The following PTPRR variants were observed in gnomAD, a reference collection of about 807,000 sequenced individuals.
PTPRR encodes receptor-type tyrosine-protein phosphatase R.
A neutral mutation model predicts 77.2 loss-of-function variants in PTPRR; 38 were observed. The ratio of observed to expected loss-of-function variants is 0.49; its 90% confidence interval spans 0.38 to 0.65. The LOEUF (loss-of-function observed/expected upper bound fraction) is 0.65. PTPRR is among the 30% of genes least tolerant of loss of function. The probability of loss-of-function intolerance (pLI) is 0.00; values close to 1 mark genes in which losing one functional copy is unlikely to be tolerated. For missense variants in PTPRR, 744 were observed against 799.2 expected, an observed-to-expected ratio of 0.93 and a Z score of 0.83; for synonymous variants, 299 against 283.1, an observed-to-expected ratio of 1.06 and a Z score of -0.57.
At chr12:70,808,654 A>T (rs1210336870) in intron 2 of PTPRR, among the ~76,000 whole-genome samples, 1 of 152,178 alleles carries the variant, frequency 6.6e-6, no homozygotes, top group African/African-American at 2.4e-5. Flanking sequence ...AAAGCAATAA[A>T]GGTCCTCTAT....
At chr12:70,853,811 G>C (rs1565719005) in intron 2 of PTPRR, among the ~76,000 whole-genome samples, 1 of 152,170 alleles carries the variant, frequency 6.6e-6, no homozygotes, top group South Asian at 2.1e-4. Flanking sequence ...GGTCACATAT[G>C]TTTGTGAAAA....
chr12:70,874,443 C>A (rs1893014930), intron 2 of PTPRR, among the ~76,000 whole-genome samples: 1 of 152,014 alleles, frequency 6.6e-6, no homozygotes, highest in Non-Finnish European at 1.5e-5. Flanking sequence ...ACAGAAAGGG[C>A]AAGTTATTTT....
chr12:70,898,925 T>C (rs1409682659), intron 1 of PTPRR, among the ~76,000 whole-genome samples: 1 of 151,286 alleles, frequency 6.6e-6, no homozygotes, highest in African/African-American at 2.4e-5. Context: ...AGTGTAAAAA[T>C]GTATAAAAAG....
intron 2 of PTPRR, among the ~76,000 whole-genome samples, chr12:70,824,116 C>T (rs137905679): frequency 9.9e-4 from 151 of 152,282 alleles, no homozygotes; most frequent in African/African-American, 3.2e-3. Context: ...ATTGGGAAAC[C>T]GCCCCAGGTT....
chr12:70,845,400 T>C (rs552334454), intron 2 of PTPRR, among the ~76,000 whole-genome samples: 1 of 152,178 alleles, frequency 6.6e-6, no homozygotes, highest in Non-Finnish European at 1.5e-5. Context: ...CCTTAATGTA[T>C]GTACATGATC....
intron 6 of PTPRR, among the ~76,000 whole-genome samples, chr12:70,723,325 G>A (rs1383662734): frequency 6.6e-6 from 1 of 151,786 alleles, no homozygotes; most frequent in Admixed American, 6.6e-5. Context: ...AGTTCCAAGA[G>A]AACTTTTTGA....
intron 4 of PTPRR, among the ~76,000 whole-genome samples, chr12:70,755,364 A>C (rs17120985): frequency 0.023 from 3,463 of 152,242 alleles, 109 homozygotes; most frequent in South Asian, 0.063. Flanking sequence ...CTGAACTTTG[A>C]AATCATTGCT....
chr12:70,731,354 C>T (rs943263052), intron 6 of PTPRR, among the ~76,000 whole-genome samples: 1 of 152,152 alleles, frequency 6.6e-6, no homozygotes, highest in Non-Finnish European at 1.5e-5. Flanking sequence ...AGTCACCCCT[C>T]TACACAATGT....
At chr12:70,802,369 G>A (rs1056055669) in intron 2 of PTPRR, among the ~76,000 whole-genome samples, 3 of 152,102 alleles carry the variant, frequency 2.0e-5, no homozygotes, top group Non-Finnish European at 4.4e-5. Context: ...ATTATATTGA[G>A]AAGACTTATG....
intron 2 of PTPRR, among the ~76,000 whole-genome samples, chr12:70,771,165 T>TA (rs111294240): frequency 0.24 from 35,016 of 148,584 alleles, 6,127 homozygotes; most frequent in African/African-American, 0.49. Flanking sequence ...AATAATAAAT[T>TA]AAAAAAAAAT....
Position 70,733,457 on chromosome 12 carries a change from AG to A in PTPRR, c.1007+12360del, listed in dbSNP as rs1565672321. On this transcript the variant is annotated intron_variant, in intron 6 of 13. Coordinates refer to ENST00000283228, the MANE Select transcript of PTPRR (RefSeq NM_002849.4). ...AAAAAAAAAAAAAAGAAAGAAAAAA[AG>A]AAAAATTATGGCAAAAAAAAAAAGA... Among the ~76,000 whole-genome samples the A allele has an allele frequency of 9.6e-4, 91 of 95,118 alleles. 1 individual carries two copies. The highest frequency in any genetic ancestry group is 6.0e-3 in the Middle Eastern group (1 of 168). 62.4% of individuals were successfully genotyped at this position (95,118 alleles called of 152,430 possible).
chr12:70,769,037 AC>A lies in PTPRR; in HGVS notation c.358-4260del, dbSNP rs1170936883. On this transcript the variant is annotated intron_variant, in intron 2 of 13. Coordinates refer to ENST00000283228, the MANE Select transcript of PTPRR (RefSeq NM_002849.4). ...AAATAATAAGAGGTATCTATGACAA[AC>A]CCACAGCCAATATCATACTGAATGG... Among the ~76,000 whole-genome samples the A allele has an allele frequency of 3.6e-5, 5 of 140,800 alleles. No homozygotes were observed. The South Asian group carries it at 6.7e-4, about 19-fold the overall frequency. 92.4% of individuals were successfully genotyped at this position (140,800 alleles called of 152,430 possible). A position where few individuals can be genotyped will look rare whatever the true frequency, so the allele number is the denominator to read the frequency against.
chr12:70,664,384 C>T (rs148449335), intron 10 of PTPRR: 4 of 152,112 alleles, frequency 2.6e-5, no homozygotes, highest in Non-Finnish European at 4.4e-5. Flanking sequence ...CTGTAAGACC[C>T]GAGCTACTGT....
chr12:70,812,808 G>T (rs1592771302), intron 2 of PTPRR, among the ~76,000 whole-genome samples: 1 of 152,156 alleles, frequency 6.6e-6, no homozygotes, highest in South Asian at 2.1e-4. Context: ...CTTGCAGATA[G>T]GTTTCCATTT....
intron 2 of PTPRR, among the ~76,000 whole-genome samples, chr12:70,806,751 T>C (rs1891716951): frequency 6.6e-6 from 1 of 152,196 alleles, no homozygotes; most frequent in Non-Finnish European, 1.5e-5. Flanking sequence ...CTTTACCAAA[T>C]CTTACTTATC....
chr12:70,874,358 CAG>C (rs912494893), intron 2 of PTPRR, among the ~76,000 whole-genome samples: 3 of 152,228 alleles, frequency 2.0e-5, no homozygotes, highest in Non-Finnish European at 4.4e-5. Flanking sequence ...CCAAGATATT[CAG>C]AGAGAGTCAG....
At chr12:70,904,568 G>A (rs1159034429) in intron 1 of PTPRR, among the ~76,000 whole-genome samples, 1 of 151,842 alleles carries the variant, frequency 6.6e-6, no homozygotes, top group Non-Finnish European at 1.5e-5. Flanking sequence ...ATAGTAGGAA[G>A]TTTTTTTGTG....
chr12:70,783,875 G>C (rs1891260026), intron 2 of PTPRR, among the ~76,000 whole-genome samples: 2 of 62,840 alleles, frequency 3.2e-5, no homozygotes, highest in Admixed American at 2.7e-4. Context: ...GGGGGGGGGG[G>C]CGGGGGGCGG....
At chr12:70,899,397 G>A (rs920945329) in intron 1 of PTPRR, among the ~76,000 whole-genome samples, 6 of 151,440 alleles carry the variant, frequency 4.0e-5, no homozygotes, top group East Asian at 1.9e-4. Flanking sequence ...ATTTTCCTGG[G>A]AATGTAGGGC....
Sources: gnomAD v4.1 joint callset for allele counts (sites outside exome capture counted in the v4.1 genomes callset) on GRCh38, gnomAD v4.1.1 for gene constraint, MANE v1.5 for transcripts, NCBI Gene and HGNC (gene_info 2026-07-23, HGNC 2026-07-21) for gene names.